RC3H2: variants seen among roughly 807,000 people sequenced by gnomAD.
RC3H2 encodes the protein roquin-2.
Under a neutral mutation model 133.3 loss-of-function variants are expected in RC3H2, and 31 were observed. The observed-to-expected ratio is 0.23, with a 90% confidence interval of 0.17 to 0.31. The LOEUF is 0.31. Among genes scored for constraint, RC3H2 ranks in the 10% least tolerant of loss-of-function variants. RC3H2 has a pLI of 1.00. For missense variants in RC3H2, 1,175 were observed against 1,437.2 expected, an observed-to-expected ratio of 0.82 and a Z score of 2.95; for synonymous variants, 517 against 502.2, an observed-to-expected ratio of 1.03 and a Z score of -0.40.
intron 10 of RC3H2, among the ~76,000 whole-genome samples, chr9:122,860,979 G>A (rs769821496): frequency 4.0e-4 from 61 of 152,074 alleles, no homozygotes; most frequent in Non-Finnish European, 7.2e-4. Flanking sequence ...AACAGAGTAG[G>A]CACTTGGTAA....
rs1298954204 is a variant in RC3H2, at chr9:122,899,098, T to G, written c.-67-1522A>C. On this transcript the variant is annotated intron_variant, in intron 1 of 20. Coordinates refer to ENST00000357244, the MANE Select transcript of RC3H2 (RefSeq NM_001100588.3). ...CTATTAGCCTTTATTGTGTTTTTTT[T>G]TTTTTTTTTTTTTTTTTTTTCAGAG... 1.6e-4 allele frequency among the ~76,000 whole-genome samples: 21 copies of G among 132,948 alleles called. 1 individual carries two copies. The South Asian group carries it at 1.8e-3, about 12-fold the overall frequency. 87.2% of individuals were successfully genotyped at this position (132,948 alleles called of 152,430 possible). A position where few individuals can be genotyped will look rare whatever the true frequency, so the allele number is the denominator to read the frequency against.
At chr9:122,877,435 A>ATT in intron 9 of RC3H2, 36 bp downstream of exon 9, 1 of 1,540,168 alleles carries the variant, frequency 6.5e-7, no homozygotes, top group Non-Finnish European at 9.0e-7. Context: ...AAAATCAAAA[A>ATT]TTAAACCCAT....
intron 3 of RC3H2, among the ~76,000 whole-genome samples, chr9:122,891,622 T>C (rs1412729448): frequency 1.3e-5 from 2 of 152,204 alleles, no homozygotes; most frequent in Non-Finnish European, 2.9e-5. Context: ...AAACACATTA[T>C]TTGGCTTACT....
chr9:122,883,194 T>C lies in RC3H2; in HGVS notation c.759+10A>G. ...ACAGGCATGTCTTTACATAGATACT[T>C]ACTGCTTACCTTAAAACAAGAAGCT... On this transcript the variant is annotated intron_variant, in intron 5 of 20. Coordinates refer to ENST00000357244, the MANE Select transcript of RC3H2 (RefSeq NM_001100588.3). 6.2e-7 allele frequency: 1 copy of C among 1,609,110 alleles called. No individual in the cohort carries two copies. The highest frequency in any genetic ancestry group is 8.5e-7 in the Non-Finnish European group (1 of 1,178,372).
chr9:122,847,225 A>C lies in RC3H2; in HGVS notation c.*2402T>G, dbSNP rs1046893357. On this transcript the variant is annotated 3_prime_UTR_variant, in exon 21 of 21. Transcript: ENST00000357244. ...TCCCAACCCCCTCCAGCAGAGCACA[A>C]CCAAGTTTCAAAATTTCAATTTTAA... 1.3e-5 allele frequency: 2 copies of C among 152,152 alleles called. No homozygotes were observed. The highest frequency in any genetic ancestry group is 2.4e-5 in the African/African-American group (1 of 41,448). The allele number at this position is 152,152 out of a possible 1,614,324, so 9.4% of individuals were successfully genotyped here.
At chr9:122,893,077 T>C (rs1212638239) in intron 2 of RC3H2, 51 bp from the exon 3 acceptor site, 8 of 1,575,254 alleles carry the variant, frequency 5.1e-6, no homozygotes, top group South Asian at 1.1e-5. Context: ...ATCCAGCTCA[T>C]GCAACTATTA....
intron 18 of RC3H2, chr9:122,851,709 G>C (rs531072502): frequency 5.2e-6 from 2 of 382,576 alleles, no homozygotes; most frequent in African/African-American, 4.2e-5. Flanking sequence ...GTGATGGCCG[G>C]GCTGGTCTCC....
At chr9:122,887,227 TA>T (rs1435772508) in intron 4 of RC3H2, among the ~76,000 whole-genome samples, 1 of 152,198 alleles carries the variant, frequency 6.6e-6, no homozygotes, top group African/African-American at 2.4e-5. Context: ...TGAATTCAGC[TA>T]AAAGAGGAAA....
At chr9:122,891,207 G>C (rs1832154652) in intron 3 of RC3H2, among the ~76,000 whole-genome samples, 1 of 151,886 alleles carries the variant, frequency 6.6e-6, no homozygotes, top group African/African-American at 2.4e-5. Context: ...ATTTTTAGTA[G>C]AGATGGGGTT....
Position 122,855,261 on chromosome 9 carries a change from C to G in RC3H2, c.2738G>C (p.Arg913Pro). 6.2e-7 allele frequency: 1 copy of G among 1,614,050 alleles called. No homozygotes were observed. Residue 913 changes from arginine to proline, a missense_variant, in exon 15 of 21, where the codon CGT becomes CCT. Physicochemically the swap from Arg to Pro is moderately radical, Grantham distance 103 (BLOSUM62 -2). Transcript: ENST00000357244. ...SKWGAISRSS[R>P]TGYHTTDPVQ... ...AGGATCTGTGGTATGGTAACCTGTA[C>G]GGGAAGATCTGGAAATCGCACCCCA... is the stretch of plus-strand genomic sequence containing the variant.
chr9:122,880,636 A>G lies in RC3H2; in HGVS notation c.918T>C (p.Gly306=). ...SPEQWSSLLY[G]DLAHKSHMQS... is the part of the protein sequence containing the mutation. ...GCATGTGTGATTTATGAGCCAAATC[A>G]CCATACAAAAGAGAGGACCACTGTT... The change falls in exon 6 of 21, where the codon GGT becomes GGC. Residue 306 remains glycine, a synonymous_variant. Coordinates refer to ENST00000357244, the MANE Select transcript of RC3H2 (RefSeq NM_001100588.3). The G allele has an allele frequency of 1.2e-6, 2 of 1,614,140 alleles. No homozygotes were observed. Among genetic ancestry groups the G allele is most frequent in the Non-Finnish European group, 1.7e-6 (2 of 1,180,010 alleles).
intron 18 of RC3H2, among the ~76,000 whole-genome samples, chr9:122,852,216 C>T (rs1414665810): frequency 1.3e-5 from 2 of 151,576 alleles, no homozygotes; most frequent in African/African-American, 4.9e-5. Context: ...AGGAGCGTCT[C>T]TGCCCGGCCG....
Position 122,847,819 on chromosome 9 carries a change from C to A in RC3H2, c.*1808G>T, listed in dbSNP as rs137912962. ...AGGCTACTGTGCTGTTGTTATGCTA[C>A]AAACAAACATCTTCATACATTTGAG... On this transcript the variant is annotated 3_prime_UTR_variant, in exon 21 of 21. Coordinates refer to ENST00000357244, the MANE Select transcript of RC3H2 (RefSeq NM_001100588.3). 2 of 152,236 alleles carry A rather than the reference C, an allele frequency of 1.3e-5. No individual in the cohort carries two copies. Among genetic ancestry groups the A allele is most frequent in the Non-Finnish European group, 2.9e-5 (2 of 67,988 alleles). The allele number at this position is 152,236 out of a possible 1,614,324, so 9.4% of individuals were successfully genotyped here.
At chr9:122,878,634 T>C (rs1427957275) in intron 8 of RC3H2, among the ~76,000 whole-genome samples, 1 of 152,078 alleles carries the variant, frequency 6.6e-6, no homozygotes, top group Non-Finnish European at 1.5e-5. Flanking sequence ...AGCAACTACA[T>C]TGCAGGTGGC....
chr9:122,889,941 A>C (rs1182581029), intron 4 of RC3H2, among the ~76,000 whole-genome samples: 1 of 152,216 alleles, frequency 6.6e-6, no homozygotes, highest in Non-Finnish European at 1.5e-5. Flanking sequence ...CAGGAGTTCC[A>C]GACCAGTCTG....
At chr9:122,869,879 TTA>T (rs1830987778) in intron 9 of RC3H2, among the ~76,000 whole-genome samples, 1 of 151,996 alleles carries the variant, frequency 6.6e-6, no homozygotes, top group African/African-American at 2.4e-5. Context: ...CAACATCATC[TTA>T]TAGATAAGAG....
In RC3H2 at chr9:122,858,878, C is replaced by T. The variant is rs762010954; in HGVS notation, c.2074G>A (p.Ala692Thr). The change falls in exon 12 of 21, where the codon GCT becomes ACT. Residue 692 changes from alanine (A) to threonine (T), a missense_variant. Ala to Thr is a moderately conservative substitution (Grantham distance 58). Around this residue, in one of 8 missense-constraint regions of RC3H2, gnomAD observed 490 missense variants for 492.8 expected, o/e 0.99. Transcript: ENST00000357244. The part of the protein sequence containing the change: ...PVPPVPSGMY[A>T]PVYDSRRIWR... ...ATGCGCCTGCTGTCGTACACAGGAG[C>T]ATACATTCCAGAAGGTACTGGAGGA... 5.0e-6 allele frequency: 8 copies of T among 1,614,256 alleles called. No homozygotes were observed. The South Asian group carries it at 8.8e-5, about 18-fold the overall frequency.
chr9:122,892,633 G>C (rs983825410), intron 3 of RC3H2, among the ~76,000 whole-genome samples: 1 of 152,086 alleles, frequency 6.6e-6, no homozygotes, highest in African/African-American at 2.4e-5. Context: ...GGATAGTCTC[G>C]ATCTTCTGAT....
chr9:122,855,279 G>A lies in RC3H2; in HGVS notation c.2720C>T (p.Ala907Val), dbSNP rs2131387108. Residue 907 changes from alanine (A) to valine (V), a missense_variant, in exon 15 of 21, where the codon GCG (alanine) becomes GTG (valine). Physicochemically the swap from Ala to Val is moderately conservative, Grantham distance 64. Coordinates refer to ENST00000357244, the MANE Select transcript of RC3H2 (RefSeq NM_001100588.3). ...SDGPIISKWGAISRSSRTGYH... is the reference protein window; with the variant it reads ...SDGPIISKWGVISRSSRTGYH... Reference sequence around the variant, plus strand: ...ACCTGTACGGGAAGATCTGGAAATCGCACCCCATTTTGAGATGATGGGTCC... The same window carrying A: ...ACCTGTACGGGAAGATCTGGAAATCACACCCCATTTTGAGATGATGGGTCC... The A allele has an allele frequency of 2.5e-6, 4 of 1,614,058 alleles. No individual in the cohort carries two copies. Among genetic ancestry groups the A allele is most frequent in the East Asian group, 2.2e-5 (1 of 44,880 alleles).
Sources: gnomAD v4.1 joint callset for allele counts (sites outside exome capture counted in the v4.1 genomes callset) on GRCh38, gnomAD v4.1.1 for gene constraint, gnomAD v4.1.1 regional missense constraint, MANE v1.5 for transcripts, NCBI Gene and HGNC (gene_info 2026-07-23, HGNC 2026-07-21) for gene names.